Variants in XIRP2 observed in about 807,000 individuals in gnomAD.
The protein encoded by XIRP2 is xin actin binding repeat containing 2.
XIRP2 carries 236 observed loss-of-function variants against 277.0 expected under a neutral mutation model. The ratio of observed to expected loss-of-function variants is 0.85; its 90% CI spans 0.77 to 0.95. The LOEUF (loss-of-function observed/expected upper bound fraction) is 0.95. XIRP2 is among the 40% of genes least tolerant of loss of function. XIRP2 has a pLI of 0.00. For missense variants in XIRP2, 4,640 were observed against 4,157.5 expected, an observed-to-expected ratio of 1.12 and a Z score of -3.19; for synonymous variants, 1,490 against 1,416.5, an observed-to-expected ratio of 1.05 and a Z score of -1.17.
At position 167,175,834 on chromosome 2, in the gene XIRP2, G is replaced by T. The variant is rs187220285; in HGVS notation, c.563-34901G>T. Among the ~76,000 whole-genome samples the T allele has an allele frequency of 2.9e-3, 441 of 150,170 alleles. 1 individual carries two copies. Among genetic ancestry groups the T allele is most frequent in the Non-Finnish European group, 5.2e-3 (348 of 67,488 alleles). ...GCTGCCTTTCTTTCAGAGATGCCCT[G>T]CCCCAAGAGGAGGAATCTAGAGAGG... On this transcript the variant is annotated intron_variant, in intron 3 of 10. Coordinates refer to ENST00000409195, the MANE Select transcript of XIRP2 (RefSeq NM_152381.6).
chr2:166,998,418 G>A (rs191455099), intron 2 of XIRP2, among the ~76,000 whole-genome samples: 1 of 152,034 alleles, frequency 6.6e-6, no homozygotes, highest in African/African-American at 2.4e-5. Context: ...CAGGTGGATC[G>A]CAAGGTCAGG....
At chr2:167,143,892 A>T (rs1388699677) in intron 3 of XIRP2, among the ~76,000 whole-genome samples, 2 of 152,042 alleles carry the variant, frequency 1.3e-5, no homozygotes, top group Non-Finnish European at 2.9e-5. Flanking sequence ...TAGCAATGTT[A>T]CTCTTTAAAA....
chr2:166,917,349 G>A (rs1380344078), intron 2 of XIRP2, among the ~76,000 whole-genome samples: 3 of 152,212 alleles, frequency 2.0e-5, no homozygotes, highest in Admixed American at 6.5e-5. Context: ...CAAGAATACC[G>A]CGAGGATGGG....
chr2:167,141,451 G>C (rs1004768), intron 3 of XIRP2, among the ~76,000 whole-genome samples: 15,877 of 152,128 alleles, frequency 0.1, 910 homozygotes, highest in South Asian at 0.15. Flanking sequence ...AAATAATGAA[G>C]AAGTAAATGG....
At chr2:167,189,225 A>T (rs1333012335) in intron 3 of XIRP2, among the ~76,000 whole-genome samples, 3 of 152,108 alleles carry the variant, frequency 2.0e-5, no homozygotes, top group Non-Finnish European at 4.4e-5. Flanking sequence ...CTGGGAACCG[A>T]TATATTTCTG....
At chr2:167,003,650 A>G (rs989113523) in intron 2 of XIRP2, among the ~76,000 whole-genome samples, 1 of 151,904 alleles carries the variant, frequency 6.6e-6, no homozygotes, top group Non-Finnish European at 1.5e-5. Context: ...TTGCTCCTAA[A>G]GAAAGTGACA....
chr2:167,021,996 A>C (rs1338472220), intron 2 of XIRP2, among the ~76,000 whole-genome samples: 2 of 152,116 alleles, frequency 1.3e-5, no homozygotes, highest in Non-Finnish European at 2.9e-5. Flanking sequence ...TACAAAAGTA[A>C]AGATTAAACT....
intron 2 of XIRP2, among the ~76,000 whole-genome samples, chr2:167,104,960 A>G (rs1016217899): frequency 5.3e-5 from 8 of 152,186 alleles, no homozygotes; most frequent in Middle Eastern, 3.4e-3. Flanking sequence ...TACTAAAAGC[A>G]AAAGCAAGTT....
At chr2:167,167,611 A>G (rs1046849130) in intron 3 of XIRP2, among the ~76,000 whole-genome samples, 1 of 152,144 alleles carries the variant, frequency 6.6e-6, no homozygotes, top group African/African-American at 2.4e-5. Context: ...TAGTGCAAGT[A>G]CCTTATAATA....
chr2:167,163,649 G>A (rs1393103282), intron 3 of XIRP2, among the ~76,000 whole-genome samples: 1 of 152,152 alleles, frequency 6.6e-6, no homozygotes, highest in East Asian at 1.9e-4. Context: ...ATGAGCAGAA[G>A]TTGTTAATTT....
chr2:167,066,785 G>A (rs2105245858), intron 2 of XIRP2, among the ~76,000 whole-genome samples: 1 of 152,150 alleles, frequency 6.6e-6, no homozygotes. Context: ...TACACTTTAT[G>A]GAATATGATT....
At chr2:167,159,620 T>C (rs908866092) in intron 3 of XIRP2, among the ~76,000 whole-genome samples, 1 of 152,168 alleles carries the variant, frequency 6.6e-6, no homozygotes, top group African/African-American at 2.4e-5. Flanking sequence ...CCATGAGACA[T>C]TGGGCAAAAT....
At position 167,246,106 on chromosome 2, in the gene XIRP2, A is replaced by G; in HGVS notation, c.4714A>G (p.Ile1572Val). ...AGTTATCCAGGCTCCTGGAATCATC[A>G]TTGAAGCTGATGAAATAGGGGATGT... ...QKVIQAPGIIIEADEIGDVRM... is the reference protein window; with the variant it reads ...QKVIQAPGIIVEADEIGDVRM... Residue 1572 changes from isoleucine to valine, a missense_variant, in exon 9 of 11, where the codon ATT becomes GTT. By Grantham distance (29) the Ile-to-Val change is conservative. Coordinates refer to ENST00000409195, the MANE Select transcript of XIRP2 (RefSeq NM_152381.6). The G allele has an allele frequency of 6.2e-7, 1 of 1,613,638 alleles. No individual in the cohort carries two copies. The highest frequency in any genetic ancestry group is 1.1e-5 in the South Asian group (1 of 91,030).
rs1444013935 is a variant in XIRP2 at position 167,204,209 on chromosome 2, G to A, written c.563-6526G>A. 2.6e-5 allele frequency among the ~76,000 whole-genome samples: 4 copies of A among 152,042 alleles called. No individual in the cohort carries two copies. In the East Asian group the frequency reaches 7.7e-4, roughly 29 times the overall value. ...AAAAATAATAAATTCTGGTTTCTCT[G>A]CTCAACAGTTTAAATTATTGTTAAC... On this transcript the variant is annotated intron_variant, in intron 3 of 10. Coordinates refer to ENST00000409195, the MANE Select transcript of XIRP2 (RefSeq NM_152381.6).
chr2:166,906,776 T>C (rs928811364), intron 2 of XIRP2, among the ~76,000 whole-genome samples: 4 of 152,020 alleles, frequency 2.6e-5, no homozygotes, highest in East Asian at 1.9e-4. Context: ...AGGCAACCCA[T>C]AGCAAAACCC....
At chr2:166,995,741 C>T (rs543708872) in intron 2 of XIRP2, among the ~76,000 whole-genome samples, 19 of 152,080 alleles carry the variant, frequency 1.2e-4, no homozygotes, top group Non-Finnish European at 1.9e-4. Flanking sequence ...GCATTACTGA[C>T]CTTTTAAGCT....
chr2:166,949,745 C>A (rs1322927050), intron 2 of XIRP2, among the ~76,000 whole-genome samples: 1 of 151,984 alleles, frequency 6.6e-6, no homozygotes, highest in Admixed American at 6.6e-5. Context: ...GATCATCAGT[C>A]AAGGATTGTA....
chr2:167,022,797 G>T (rs2105487741), intron 2 of XIRP2, among the ~76,000 whole-genome samples: 1 of 151,972 alleles, frequency 6.6e-6, no homozygotes, highest in East Asian at 1.9e-4. Flanking sequence ...TTTTATGGCT[G>T]CATAGTATTC....
chr2:167,128,568 C>G (rs1157415861), intron 2 of XIRP2, among the ~76,000 whole-genome samples: 2 of 152,050 alleles, frequency 1.3e-5, no homozygotes, highest in African/African-American at 4.8e-5. Flanking sequence ...TGGAGCCAAT[C>G]CCCCCTTGGA....
Sources: gnomAD v4.1 joint callset for allele counts (sites outside exome capture counted in the v4.1 genomes callset) on GRCh38, gnomAD v4.1.1 for gene constraint, MANE v1.5 for transcripts, NCBI Gene and HGNC (gene_info 2026-07-23, HGNC 2026-07-21) for gene names.